Variants in BTBD16 observed in about 807,000 individuals in gnomAD.
BTBD16 encodes BTB domain containing 16, also known as BTB/POZ domain-containing protein 16.
A neutral mutation model predicts 67.4 loss-of-function variants in BTBD16; 66 were observed. That is an observed-to-expected ratio of 0.98 (90% CI 0.80 to 1.20). The LOEUF (loss-of-function observed/expected upper bound fraction) is 1.20. Ranked by LOEUF, BTBD16 falls within the 50% of genes most tolerant of loss-of-function variation. BTBD16 has a pLI of 0.00. For missense variants in BTBD16, 634 were observed against 616.0 expected, an observed-to-expected ratio of 1.03 and a Z score of -0.31; for synonymous variants, 242 against 236.4, an observed-to-expected ratio of 1.02 and a Z score of -0.22.
chr10:122,286,604 A>G (rs10788273), intron 5 of BTBD16, among the ~76,000 whole-genome samples: 39,137 of 151,970 alleles, frequency 0.26, 5,535 homozygotes, highest in East Asian at 0.47. Flanking sequence ...AAGAAAAAAT[A>G]GGCTATGTGG....
chr10:122,291,477 A>C (rs1051796662), intron 7 of BTBD16: 1 of 289,356 alleles, frequency 3.5e-6, no homozygotes, highest in African/African-American at 2.2e-5. Context: ...CTTCATGTGT[A>C]TACACAGTGA....
intron 11 of BTBD16, among the ~76,000 whole-genome samples, chr10:122,329,972 G>C (rs1000504247): frequency 6.6e-6 from 1 of 152,200 alleles, no homozygotes; most frequent in Non-Finnish European, 1.5e-5. Flanking sequence ...GGGCACAGGG[G>C]ATGGTACCTG....
At chr10:122,273,992 C>T (rs747359887) in intron 1 of BTBD16, among the ~76,000 whole-genome samples, 1 of 152,200 alleles carries the variant, frequency 6.6e-6, no homozygotes, top group Non-Finnish European at 1.5e-5. Context: ...CTCCATATGG[C>T]GACTGCACAG....
intron 10 of BTBD16, among the ~76,000 whole-genome samples, chr10:122,323,622 A>T (rs948141495): frequency 2.0e-5 from 3 of 151,722 alleles, no homozygotes; most frequent in Non-Finnish European, 4.4e-5. Flanking sequence ...TCTTGTGATT[A>T]TACTAATTGA....
chr10:122,297,670 C>A, intron 7 of BTBD16, 98 bp from the exon 8 acceptor site: 1 of 1,344,316 alleles, frequency 7.4e-7, no homozygotes, highest in Non-Finnish European at 1.1e-6. Context: ...GTTCAAAAGT[C>A]TGCTGCTGTC....
chr10:122,297,886 G>A, intron 8 of BTBD16, 49 bp downstream of exon 8: 2 of 1,565,868 alleles, frequency 1.3e-6, no homozygotes, highest in Non-Finnish European at 1.8e-6. Context: ...GGGCCTTCAG[G>A]AGCAGCCTAG....
At chr10:122,320,613 G>T (rs1465400168) in intron 10 of BTBD16, among the ~76,000 whole-genome samples, 1 of 151,882 alleles carries the variant, frequency 6.6e-6, no homozygotes, top group Non-Finnish European at 1.5e-5. Flanking sequence ...TTTTCCCTTT[G>T]AGTTCTTCTT....
intron 10 of BTBD16, among the ~76,000 whole-genome samples, chr10:122,316,788 G>A (rs528960506): frequency 6.6e-6 from 1 of 150,940 alleles, no homozygotes; most frequent in Admixed American, 6.6e-5. Context: ...CAGCACTGTA[G>A]ACTTTTTTTT....
chr10:122,294,631 G>A (rs1000409230), intron 7 of BTBD16, among the ~76,000 whole-genome samples: 2 of 152,266 alleles, frequency 1.3e-5, no homozygotes, highest in South Asian at 4.1e-4. Context: ...CAGGGCCAGA[G>A]GGGCATTTCC....
At chr10:122,276,258 T>C (rs12572729) in intron 2 of BTBD16, among the ~76,000 whole-genome samples, 1 of 152,088 alleles carries the variant, frequency 6.6e-6, no homozygotes, top group African/African-American at 2.4e-5. Context: ...GAATTTCTTT[T>C]GGGGATAATG....
In BTBD16 at chr10:122,332,349, G is replaced by T. The variant is rs979231202; in HGVS notation, c.1087-87G>T. On this transcript the variant is annotated intron_variant, in intron 12 of 15. Transcript: ENST00000260723. ...TTTTTCAAACCTGGTGAGGGGGGCA[G>T]GGGTCAAGGAAGAGGCATGAAGATG... The T allele has an allele frequency of 1.1e-5, 14 of 1,251,756 alleles. No homozygotes were observed. In the Admixed American group the frequency reaches 2.2e-4, roughly 20 times the overall value. 77.5% of individuals were successfully genotyped at this position (1,251,756 alleles called of 1,614,324 possible).
chr10:122,288,457 A>G (rs1197036119), intron 5 of BTBD16, among the ~76,000 whole-genome samples: 1 of 152,208 alleles, frequency 6.6e-6, no homozygotes, highest in African/African-American at 2.4e-5. Flanking sequence ...GTTGCACAGG[A>G]TGATGGGCTT....
At chr10:122,286,828 C>T (rs1037476522) in intron 5 of BTBD16, among the ~76,000 whole-genome samples, 2 of 152,152 alleles carry the variant, frequency 1.3e-5, no homozygotes, top group Admixed American at 6.5e-5. Flanking sequence ...CCTGACCACC[C>T]CAGCCTCCTC....
chr10:122,337,503 C>T (rs770502000), intron 15 of BTBD16, among the ~76,000 whole-genome samples: 20 of 152,174 alleles, frequency 1.3e-4, no homozygotes, highest in African/African-American at 4.8e-5. Flanking sequence ...CTCGCTCTAT[C>T]GCCCAGGCTG....
At chr10:122,314,033 G>T (rs1390169766) in intron 10 of BTBD16, among the ~76,000 whole-genome samples, 1 of 152,024 alleles carries the variant, frequency 6.6e-6, no homozygotes, top group Non-Finnish European at 1.5e-5. Flanking sequence ...GTCATTCTTG[G>T]TCCTTTGGAT....
At position 122,338,043 on chromosome 10, in the gene BTBD16, C is replaced by T. The variant is rs750527353; in HGVS notation, c.1479C>T (p.Ile493=). ...SHTLKIQTVG[I]PIYVSFAFIF... is the part of the protein sequence containing the mutation. Reference sequence around the variant, plus strand: ...CCTTGAAAATCCAAACTGTGGGCATCCCAATCTATGTAAGTTTTGCATTCA... The same window carrying T: ...CCTTGAAAATCCAAACTGTGGGCATTCCAATCTATGTAAGTTTTGCATTCA... Residue 493 remains isoleucine (I), a synonymous_variant, in exon 16 of 16, where the codon ATC becomes ATT. Coordinates refer to ENST00000260723, the MANE Select transcript of BTBD16 (RefSeq NM_144587.5). The T allele has an allele frequency of 3.7e-5, 59 of 1,612,468 alleles. No homozygotes were observed. The East Asian group carries it at 1.2e-3, about 32-fold the overall frequency.
rs138051463 is a variant in BTBD16, at chr10:122,273,654, G to A, written c.-42-1386G>A. ...TCCCAGCTACTGGGGAGGCTGAAGT[G>A]GGAGGATCACTTGAGCCCAGAAGAT... On this transcript the variant is annotated intron_variant, in intron 1 of 15. Transcript: ENST00000260723. Among the ~76,000 whole-genome samples, 1,068 of 152,222 alleles carry A rather than the reference G, an allele frequency of 7.0e-3. 7 individuals are homozygous for A. Among genetic ancestry groups the A allele is most frequent in the Non-Finnish European group, 9.2e-3 (627 of 68,010 alleles).
chr10:122,329,508 C>G lies in BTBD16; in HGVS notation c.940C>G (p.Arg314Gly), dbSNP rs151075028. The G allele has an allele frequency of 6.2e-7, 1 of 1,613,904 alleles. No homozygotes were observed. Among genetic ancestry groups the G allele is most frequent in the East Asian group, 2.2e-5 (1 of 44,846 alleles). Reference protein sequence around the residue: ...SFPENCCFLDRDIGRSLRPLF... With the variant: ...SFPENCCFLDGDIGRSLRPLF... Reference sequence around the variant, plus strand: ...TCCTGAGAACTGTTGCTTTCTGGACCGGGACATAGGACGGAGCTTGAGGCC... The same window carrying G: ...TCCTGAGAACTGTTGCTTTCTGGACGGGGACATAGGACGGAGCTTGAGGCC... The change falls in exon 11 of 16, where the codon CGG (arginine) becomes GGG (glycine). Residue 314 changes from arginine (R) to glycine (G), a missense_variant. Transcript: ENST00000260723.
intron 1 of BTBD16, among the ~76,000 whole-genome samples, chr10:122,274,218 G>C (rs777240565): frequency 6.6e-6 from 1 of 152,200 alleles, no homozygotes; most frequent in African/African-American, 2.4e-5. Context: ...ATTAGTCAAG[G>C]TGTCTGCCCT....
Sources: gnomAD v4.1 joint callset for allele counts (sites outside exome capture counted in the v4.1 genomes callset) on GRCh38, gnomAD v4.1.1 for gene constraint, MANE v1.5 for transcripts, NCBI Gene and HGNC (gene_info 2026-07-23, HGNC 2026-07-21) for gene names.